The following ZNF521 variants were observed in gnomAD, a reference collection of about 807,000 sequenced individuals.
The protein encoded by ZNF521 is LYST-interacting protein 3.
ZNF521 carries 14 observed loss-of-function variants against 105.5 expected under a neutral mutation model. The ratio of observed to expected loss-of-function variants is 0.13; its 90% CI spans 0.09 to 0.21. The LOEUF is 0.21. ZNF521 is among the 10% of genes least tolerant of loss of function. The pLI, the probability that ZNF521 is intolerant of heterozygous loss-of-function variation, is 1.00. For missense variants in ZNF521, 1,233 were observed against 1,629.7 expected (o/e 0.76, Z 4.19); for synonymous variants, 635 against 606.0 (o/e 1.05, Z -0.70).
At chr18:25,206,129 G>A (rs899633968) in intron 4 of ZNF521, among the ~76,000 whole-genome samples, 6 of 151,992 alleles carry the variant, frequency 3.9e-5, no homozygotes, top group Admixed American at 2.6e-4. Flanking sequence ...TCAGCCTCCC[G>A]AGTAGCTAAG....
chr18:25,083,754 T>TTTTGTTTG (rs149473626), intron 7 of ZNF521, among the ~76,000 whole-genome samples: 18 of 148,400 alleles, frequency 1.2e-4, no homozygotes, highest in Middle Eastern at 3.4e-3. Flanking sequence ...CATATATATA[T>TTTTGTTTG]TTTGTTTGTT....
intron 4 of ZNF521, among the ~76,000 whole-genome samples, chr18:25,214,923 A>G (rs189507741): frequency 1.3e-4 from 20 of 152,258 alleles, no homozygotes; most frequent in African/African-American, 4.8e-4. Context: ...CAGGAAACAT[A>G]TAGGAAACAG....
chr18:25,143,850 C>T (rs1431032419), intron 5 of ZNF521, among the ~76,000 whole-genome samples: 2 of 152,098 alleles, frequency 1.3e-5, no homozygotes, highest in African/African-American at 2.4e-5. Context: ...CTAAGTGATA[C>T]AATCAGTTAT....
intron 7 of ZNF521, among the ~76,000 whole-genome samples, chr18:25,089,176 A>G (rs980904210): frequency 1.3e-5 from 2 of 152,174 alleles, no homozygotes; most frequent in African/African-American, 4.8e-5. Context: ...ATGACAAGCA[A>G]GGTGAATGAT....
intron 4 of ZNF521, among the ~76,000 whole-genome samples, chr18:25,203,846 A>G (rs1261078890): frequency 6.6e-6 from 1 of 152,222 alleles, no homozygotes; most frequent in Non-Finnish European, 1.5e-5. Context: ...TATTGATACA[A>G]CCAAAGCTCA....
chr18:25,313,209 CA>C (rs1466528923), intron 3 of ZNF521, among the ~76,000 whole-genome samples: 1 of 152,116 alleles, frequency 6.6e-6, no homozygotes, highest in Non-Finnish European at 1.5e-5. Context: ...CCTTTTATCC[CA>C]TCTCATACTA....
intron 3 of ZNF521, among the ~76,000 whole-genome samples, chr18:25,264,069 G>T (rs2144907797): frequency 6.6e-6 from 1 of 152,206 alleles, no homozygotes; most frequent in South Asian, 2.1e-4. Flanking sequence ...CATGAAAAAG[G>T]TGTGGTACCC....
chr18:25,221,479 GA>G (rs1399298794), intron 4 of ZNF521, among the ~76,000 whole-genome samples: 1 of 152,158 alleles, frequency 6.6e-6, no homozygotes, highest in Non-Finnish European at 1.5e-5. Flanking sequence ...TCATGGTCCA[GA>G]AAAATCTAAC....
At chr18:25,328,582 T>G (rs984991720) in intron 2 of ZNF521, among the ~76,000 whole-genome samples, 1 of 151,416 alleles carries the variant, frequency 6.6e-6, no homozygotes, top group Non-Finnish European at 1.5e-5. Flanking sequence ...AGACGGAGTC[T>G]CGCTCTTTGG....
intron 3 of ZNF521, among the ~76,000 whole-genome samples, chr18:25,266,755 C>A (rs1455924084): frequency 2.0e-5 from 3 of 152,218 alleles, no homozygotes; most frequent in African/African-American, 7.2e-5. Flanking sequence ...TCACAACCCA[C>A]AGACCAGGAG....
At chr18:25,329,753 G>T (rs1913446456) in intron 2 of ZNF521, among the ~76,000 whole-genome samples, 1 of 152,206 alleles carries the variant, frequency 6.6e-6, no homozygotes, top group Non-Finnish European at 1.5e-5. Flanking sequence ...TTAAGTAGGG[G>T]AGTGAATGAT....
chr18:25,145,483 A>G (rs1204651434), intron 5 of ZNF521, among the ~76,000 whole-genome samples: 1 of 152,144 alleles, frequency 6.6e-6, no homozygotes, highest in Non-Finnish European at 1.5e-5. Context: ...AACAAAATGA[A>G]AATAAAAAAC....
intron 5 of ZNF521, among the ~76,000 whole-genome samples, chr18:25,140,331 G>T (rs1314376390): frequency 6.6e-6 from 1 of 152,176 alleles, no homozygotes; most frequent in Non-Finnish European, 1.5e-5. Context: ...CAAAGAAAGA[G>T]ATAAAGCAGG....
intron 5 of ZNF521, among the ~76,000 whole-genome samples, chr18:25,149,163 C>T (rs771022566): frequency 3.9e-5 from 6 of 152,140 alleles, no homozygotes; most frequent in Admixed American, 2.6e-4. Context: ...AGGTCTTTGT[C>T]CATGTAGCTG....
At position 25,288,212 on chromosome 18, in the gene ZNF521, T is replaced by C. The variant is rs377675424; in HGVS notation, c.220+33796A>G. Among the ~76,000 whole-genome samples, 129 of 152,304 alleles carry C rather than the reference T, an allele frequency of 8.5e-4. No individual in the cohort carries two copies. The South Asian group carries it at 0.014, about 16-fold the overall frequency. On this transcript the variant is annotated intron_variant, in intron 3 of 7. Coordinates refer to ENST00000361524, the MANE Select transcript of ZNF521 (RefSeq NM_015461.3). ...ATATTTGGATTTTTCCCCCAACTGTTCAGGGACAGTAAGCACTGATACTGC... is the reference window on the plus strand; with the variant it reads ...ATATTTGGATTTTTCCCCCAACTGTCCAGGGACAGTAAGCACTGATACTGC...
intron 5 of ZNF521, among the ~76,000 whole-genome samples, chr18:25,180,574 T>G (rs1002554426): frequency 6.6e-6 from 1 of 151,946 alleles, no homozygotes; most frequent in Non-Finnish European, 1.5e-5. Context: ...GCATCTATCA[T>G]AAGTGCAGAG....
At chr18:25,321,100 G>A (rs1458588301) in intron 3 of ZNF521, among the ~76,000 whole-genome samples, 1 of 152,122 alleles carries the variant, frequency 6.6e-6, no homozygotes, top group Non-Finnish European at 1.5e-5. Context: ...TCCCATACTC[G>A]CTTAATGGAA....
At chr18:25,174,928 C>G (rs146857880) in intron 5 of ZNF521, among the ~76,000 whole-genome samples, 2 of 152,324 alleles carry the variant, frequency 1.3e-5, no homozygotes, top group African/African-American at 4.8e-5. Flanking sequence ...TAAGTACTTA[C>G]AAGTCTTCTC....
In ZNF521 at chr18:25,127,418, A is replaced by G. The variant is rs757782364; in HGVS notation, c.3659-35337T>C. Among the ~76,000 whole-genome samples the G allele has an allele frequency of 2.7e-4, 41 of 152,164 alleles. 1 individual carries two copies. Among genetic ancestry groups the G allele is most frequent in the South Asian group, 1.5e-3 (7 of 4,826 alleles). ...CCCAGCATAGATCTACATCCTCTAC[A>G]TGTATTAACTCATTCAAATAATGGA... On this transcript the variant is annotated intron_variant, in intron 5 of 7. Coordinates refer to ENST00000361524, the MANE Select transcript of ZNF521 (RefSeq NM_015461.3).
Sources: gnomAD v4.1 joint callset for allele counts (sites outside exome capture counted in the v4.1 genomes callset) on GRCh38, gnomAD v4.1.1 for gene constraint, MANE v1.5 for transcripts, NCBI Gene and HGNC (gene_info 2026-07-23, HGNC 2026-07-21) for gene names.